The following ERBB4 variants were observed in gnomAD, a reference collection of about 807,000 sequenced individuals.
The protein encoded by ERBB4 is erb-b2 receptor tyrosine kinase 4, also known as receptor tyrosine-protein kinase erbB-4.
Under a neutral mutation model 158.0 loss-of-function variants are expected in ERBB4, and 42 were observed. The ratio of observed to expected loss-of-function variants is 0.27; its 90% CI spans 0.21 to 0.34. The LOEUF (loss-of-function observed/expected upper bound fraction) is 0.34, where lower values mean the gene tolerates loss of function less well. Ranked by LOEUF, ERBB4 falls within the 10% of genes least tolerant of loss-of-function variation. The probability of loss-of-function intolerance (pLI) is 1.00; values close to 1 mark genes in which losing one functional copy is unlikely to be tolerated. For synonymous variants in ERBB4, 583 were observed against 558.7 expected, an observed-to-expected ratio of 1.04 and a Z score of -0.61; for missense variants, 1,333 against 1,624.1, an observed-to-expected ratio of 0.82 and a Z score of 3.08.
Position 212,240,637 on chromosome 2 carries a change from CAAAAAAAAAAAAAAAAAAA to C in ERBB4, c.83-115753_83-115735del, listed in dbSNP as rs71054188. Among the ~76,000 whole-genome samples, 11 of 35,808 alleles carry C rather than the reference CAAAAAAAAAAAAAAAAAAA, an allele frequency of 3.1e-4. No individual in the cohort carries two copies. In the Admixed American group the frequency reaches 3.7e-3, roughly 12 times the overall value. The allele number at this position is 35,808 out of a possible 152,430, so 23.5% of individuals were successfully genotyped here. A position where few individuals can be genotyped will look rare whatever the true frequency, so the allele number is the denominator to read the frequency against. On this transcript the variant is annotated intron_variant, in intron 1 of 27. Transcript: ENST00000342788. Reference sequence around the variant, plus strand: ...TGGGCAACAGAGCGACACTCTGGCTCAAAAAAAAAAAAAAAAAAAAAAAAAAAAAACAGAAAAAAAAGAA... The same window carrying C: ...TGGGCAACAGAGCGACACTCTGGCTCAAAAAAAAAAACAGAAAAAAAAGAA...
rs2062505676 is a variant in ERBB4, at chr2:211,377,915, C to T, written c.*5700G>A. The T allele has an allele frequency of 2.1e-5, 5 of 232,646 alleles. No homozygotes were observed. In the South Asian group the frequency reaches 7.2e-4, roughly 34 times the overall value. The allele number at this position is 232,646 out of a possible 1,614,324, so 14.4% of individuals were successfully genotyped here. Reference sequence around the variant, plus strand: ...TTTAATAGCTTAAATATTCTCTATGCGGTAGTTTGATAGTTCACTTAAACA... The same window carrying T: ...TTTAATAGCTTAAATATTCTCTATGTGGTAGTTTGATAGTTCACTTAAACA... On this transcript the variant is annotated 3_prime_UTR_variant, in exon 28 of 28. Transcript: ENST00000342788.
intron 19 of ERBB4, among the ~76,000 whole-genome samples, chr2:211,568,118 T>A (rs1216024435): frequency 6.6e-6 from 1 of 151,538 alleles, no homozygotes. Context: ...TTCTGTCTTT[T>A]TTTTCCTTTT....
chr2:212,136,306 T>G (rs2080269658), intron 1 of ERBB4, among the ~76,000 whole-genome samples: 1 of 152,236 alleles, frequency 6.6e-6, no homozygotes, highest in African/African-American at 2.4e-5. Context: ...ACTTCCTTTT[T>G]CATTCCTTTC....
intron 1 of ERBB4, among the ~76,000 whole-genome samples, chr2:212,408,441 A>G (rs1273244469): frequency 6.6e-6 from 1 of 152,154 alleles, no homozygotes; most frequent in African/African-American, 2.4e-5. Context: ...TGGGTTCCCA[A>G]ACATTGCCAT....
intron 1 of ERBB4, among the ~76,000 whole-genome samples, chr2:212,214,007 A>G (rs2083017509): frequency 6.6e-6 from 1 of 151,884 alleles, no homozygotes; most frequent in African/African-American, 2.4e-5. Flanking sequence ...GGACAGTGCT[A>G]GGACTACAGT....
intron 1 of ERBB4, among the ~76,000 whole-genome samples, chr2:212,462,891 G>A (rs1688645546): frequency 6.6e-6 from 1 of 151,918 alleles, no homozygotes; most frequent in Non-Finnish European, 1.5e-5. Context: ...AGGGAATATG[G>A]TATTTATACA....
intron 2 of ERBB4, among the ~76,000 whole-genome samples, chr2:212,116,904 T>A (rs951505747): frequency 2.6e-5 from 4 of 152,198 alleles, no homozygotes; most frequent in Admixed American, 1.3e-4. Flanking sequence ...TATTTTTAGA[T>A]TAAATGGTAC....
chr2:211,659,708 C>CTG (rs1371532305), intron 15 of ERBB4, among the ~76,000 whole-genome samples: 1 of 151,994 alleles, frequency 6.6e-6, no homozygotes, highest in African/African-American at 2.4e-5. Context: ...AAAAAAAGCA[C>CTG]TGTGTTACAT....
At chr2:211,795,042 A>G (rs2076353440) in intron 3 of ERBB4, among the ~76,000 whole-genome samples, 1 of 151,904 alleles carries the variant, frequency 6.6e-6, no homozygotes, top group Non-Finnish European at 1.5e-5. Flanking sequence ...TTCAGGTTCT[A>G]TCATCTCATA....
rs1020299988 is a variant in ERBB4, at chr2:211,790,572, G to A, written c.422-2413C>T. On this transcript the variant is annotated intron_variant, in intron 3 of 27. Transcript: ENST00000342788. ...TTAGAAATAGTCTGTTCGAGAGCTT[G>A]GCTTATACTTGGAAAAGGGATTTAG... is the stretch of plus-strand genomic sequence containing the variant. Among the ~76,000 whole-genome samples the A allele has an allele frequency of 7.2e-5, 11 of 151,956 alleles. 1 individual carries two copies. The highest frequency in any genetic ancestry group is 7.2e-4 in the Admixed American group (11 of 15,242).
chr2:211,401,190 A>G (rs189588360), intron 25 of ERBB4, among the ~76,000 whole-genome samples: 12 of 152,228 alleles, frequency 7.9e-5, no homozygotes, highest in African/African-American at 1.9e-4. Context: ...AAAGGTGTAC[A>G]TGAAATATCC....
At chr2:212,415,728 T>C (rs1446085526) in intron 1 of ERBB4, among the ~76,000 whole-genome samples, 3 of 152,126 alleles carry the variant, frequency 2.0e-5, no homozygotes, top group Non-Finnish European at 2.9e-5. Context: ...AATGAGTGTC[T>C]AGTTAAATAT....
chr2:212,403,663 T>C (rs993144429), intron 1 of ERBB4, among the ~76,000 whole-genome samples: 14 of 151,980 alleles, frequency 9.2e-5, no homozygotes, highest in African/African-American at 3.4e-4. Flanking sequence ...ACAATTTATA[T>C]GAGATACTAA....
At chr2:212,396,177 T>C (rs1395697554) in intron 1 of ERBB4, among the ~76,000 whole-genome samples, 1 of 152,180 alleles carries the variant, frequency 6.6e-6, no homozygotes, top group Admixed American at 6.6e-5. Flanking sequence ...AGCAATATTC[T>C]CCTTTAAAAT....
At chr2:212,337,591 C>T (rs1235127917) in intron 1 of ERBB4, among the ~76,000 whole-genome samples, 1 of 152,044 alleles carries the variant, frequency 6.6e-6, no homozygotes, top group South Asian at 2.1e-4. Flanking sequence ...ATTCCATGCT[C>T]ACCCCAGAGG....
At chr2:211,862,878 A>C (rs1344484926) in intron 3 of ERBB4, among the ~76,000 whole-genome samples, 2 of 152,206 alleles carry the variant, frequency 1.3e-5, no homozygotes, top group East Asian at 1.9e-4. Flanking sequence ...CTGTCTAGCT[A>C]TAGGATCGTA....
chr2:211,521,442 C>G (rs774877534), intron 20 of ERBB4, among the ~76,000 whole-genome samples: 1 of 152,096 alleles, frequency 6.6e-6, no homozygotes, highest in Non-Finnish European at 1.5e-5. Context: ...TGGAAGCTAG[C>G]AGAGGTTGGT....
rs147533834 is a variant in ERBB4, at chr2:212,040,657, G to A, written c.234+84095C>T. ...ACCTAGCATGGTAGCTCCGGTAAGT[G>A]TTTATCATAAGCATTTGGGATATTC... On this transcript the variant is annotated intron_variant, in intron 2 of 27. Transcript: ENST00000342788. Among the ~76,000 whole-genome samples the A allele has an allele frequency of 8.2e-4, 124 of 152,122 alleles. 1 individual carries two copies. Among genetic ancestry groups the A allele is most frequent in the African/African-American group, 2.8e-3 (117 of 41,520 alleles).
intron 2 of ERBB4, among the ~76,000 whole-genome samples, chr2:212,034,973 G>A (rs1223395629): frequency 6.6e-6 from 1 of 152,118 alleles, no homozygotes; most frequent in Non-Finnish European, 1.5e-5. Flanking sequence ...TTAATTCCTT[G>A]CTGATTCATT....
Sources: allele counts gnomAD v4.1 joint callset (sites outside exome capture counted in the v4.1 genomes callset), GRCh38; gene constraint gnomAD v4.1.1; transcripts MANE v1.5; gene names NCBI Gene and HGNC (gene_info 2026-07-23, HGNC 2026-07-21).